GFRA1: variants seen among roughly 807,000 people sequenced by gnomAD.
GFRA1 encodes GDNF family receptor alpha-1.
Under a neutral mutation model 51.6 loss-of-function variants are expected in GFRA1, and 16 were observed. The ratio of observed to expected loss-of-function variants is 0.31; its 90% CI spans 0.21 to 0.47. GFRA1 has a LOEUF of 0.47. GFRA1 is among the 20% of genes least tolerant of loss of function. The pLI is 1.00. For missense variants in GFRA1, 530 were observed against 594.3 expected (o/e 0.89, Z 1.13); for synonymous variants, 270 against 241.3 (o/e 1.12, Z -1.10).
chr10:116,106,209 C>T (rs1956999584), intron 6 of GFRA1, among the ~76,000 whole-genome samples: 2 of 152,134 alleles, frequency 1.3e-5, no homozygotes, highest in Admixed American at 1.3e-4. Context: ...CCCAGTGAGA[C>T]CCGAGTCAGA....
At chr10:116,075,265 A>G (rs952771637) in intron 9 of GFRA1, among the ~76,000 whole-genome samples, 2 of 152,162 alleles carry the variant, frequency 1.3e-5, no homozygotes, top group African/African-American at 2.4e-5. Flanking sequence ...TGATCAAACA[A>G]TTGGTCTATT....
At chr10:116,248,943 C>G (rs1968090043) in intron 4 of GFRA1, among the ~76,000 whole-genome samples, 1 of 152,120 alleles carries the variant, frequency 6.6e-6, no homozygotes, top group African/African-American at 2.4e-5. Flanking sequence ...GCTGAGTCTG[C>G]AGGCCAGCTC....
chr10:116,264,217 C>A (rs948814191), intron 4 of GFRA1, among the ~76,000 whole-genome samples: 2 of 152,154 alleles, frequency 1.3e-5, no homozygotes, highest in African/African-American at 4.8e-5. Flanking sequence ...AAGGGACCAA[C>A]ACTGGCTCCC....
intron 4 of GFRA1, among the ~76,000 whole-genome samples, chr10:116,264,083 C>T (rs1397535230): frequency 6.6e-6 from 1 of 152,126 alleles, no homozygotes; most frequent in Non-Finnish European, 1.5e-5. Context: ...CAGGACTCAG[C>T]TGGAAATGCT....
In GFRA1 at chr10:116,115,115, T is replaced by A. The variant is rs2133981632; in HGVS notation, c.770+10106A>T. Among the ~76,000 whole-genome samples, 3 of 152,370 alleles carry A rather than the reference T, an allele frequency of 2.0e-5. No homozygotes were observed. The East Asian group carries it at 5.8e-4, about 29-fold the overall frequency. On this transcript the variant is annotated intron_variant, in intron 6 of 10. Coordinates refer to ENST00000355422, the MANE Select transcript of GFRA1 (RefSeq NM_005264.8). ...TGGTTCTTTTAAATTCTTGTTTTTC[T>A]TGGATGCAAAATTTCCTGCATAATT...
intron 4 of GFRA1, among the ~76,000 whole-genome samples, chr10:116,265,897 T>C (rs573137215): frequency 1.5e-3 from 225 of 152,240 alleles, no homozygotes; most frequent in Non-Finnish European, 2.8e-3. Context: ...AGCCCTTAAT[T>C]GTGCCCCAGG....
chr10:116,216,105 C>T (rs1016148432), intron 4 of GFRA1, among the ~76,000 whole-genome samples: 1 of 152,174 alleles, frequency 6.6e-6, no homozygotes. Context: ...ATCTTTAATG[C>T]ACTGAGTCCT....
At chr10:116,193,783 C>T (rs949128725) in intron 5 of GFRA1, among the ~76,000 whole-genome samples, 5 of 152,086 alleles carry the variant, frequency 3.3e-5, no homozygotes, top group Admixed American at 2.0e-4. Flanking sequence ...ATGGGCCGGG[C>T]GCGGTGGCTC....
intron 5 of GFRA1, among the ~76,000 whole-genome samples, chr10:116,164,362 C>T (rs10749190): frequency 0.44 from 66,982 of 151,192 alleles, 14,904 homozygotes; most frequent in African/African-American, 0.5. Context: ...CCCCCAAAAA[C>T]CTCATATTGT....
At chr10:116,174,817 C>T (rs1201463969) in intron 5 of GFRA1, among the ~76,000 whole-genome samples, 1 of 152,082 alleles carries the variant, frequency 6.6e-6, no homozygotes, top group Non-Finnish European at 1.5e-5. Flanking sequence ...TTTTAATAAG[C>T]TTTAAAACAT....
chr10:116,206,834 G>C (rs574454526), intron 5 of GFRA1, among the ~76,000 whole-genome samples: 1 of 151,648 alleles, frequency 6.6e-6, no homozygotes, highest in South Asian at 2.1e-4. Context: ...GGGTTTCACC[G>C]TGCTAGCCAG....
chr10:116,136,512 A>C (rs1958332666), intron 5 of GFRA1, among the ~76,000 whole-genome samples: 1 of 152,218 alleles, frequency 6.6e-6, no homozygotes, highest in South Asian at 2.1e-4. Context: ...GCACCAGTGT[A>C]TTGCCATGGA....
chr10:116,117,562 T>TGGATGGAG (rs1957471147), intron 6 of GFRA1, among the ~76,000 whole-genome samples: 1 of 136,932 alleles, frequency 7.3e-6, no homozygotes, highest in African/African-American at 3.0e-5. Flanking sequence ...GGTGTGTGGA[T>TGGATGGAG]GGATGGATGG....
chr10:116,214,166 C>T (rs1965403959), intron 4 of GFRA1, among the ~76,000 whole-genome samples: 1 of 152,224 alleles, frequency 6.6e-6, no homozygotes, highest in Non-Finnish European at 1.5e-5. Flanking sequence ...GACCAGCCGG[C>T]ACACCTGGAG....
intron 5 of GFRA1, among the ~76,000 whole-genome samples, chr10:116,166,949 G>A (rs922671167): frequency 1.8e-4 from 27 of 151,596 alleles, no homozygotes; most frequent in Non-Finnish European, 3.2e-4. Context: ...ACAGGCGCCC[G>A]CCTCCACACC....
intron 6 of GFRA1, among the ~76,000 whole-genome samples, chr10:116,111,845 C>A (rs1957225449): frequency 1.3e-5 from 2 of 152,194 alleles, no homozygotes; most frequent in Non-Finnish European, 2.9e-5. Flanking sequence ...GGCCCCAGAG[C>A]AAAGGCGCCT....
At chr10:116,106,572 C>G (rs944369148) in intron 6 of GFRA1, among the ~76,000 whole-genome samples, 2 of 148,820 alleles carry the variant, frequency 1.3e-5, no homozygotes, top group African/African-American at 5.0e-5. Context: ...GCACCACCCT[C>G]TTGGGTAGCG....
intron 5 of GFRA1, among the ~76,000 whole-genome samples, chr10:116,175,029 C>A (rs774617422): frequency 6.6e-6 from 1 of 152,134 alleles, no homozygotes; most frequent in African/African-American, 2.4e-5. Context: ...CTCCCTCTTT[C>A]GTAGGACTCA....
At chr10:116,218,360 T>C (rs985038209) in intron 4 of GFRA1, among the ~76,000 whole-genome samples, 1 of 152,182 alleles carries the variant, frequency 6.6e-6, no homozygotes, top group Non-Finnish European at 1.5e-5. Context: ...GACAGCTGAA[T>C]TGGCAGCACT....
Sources: allele counts gnomAD v4.1 joint callset (sites outside exome capture counted in the v4.1 genomes callset), GRCh38; gene constraint gnomAD v4.1.1; transcripts MANE v1.5; gene names NCBI Gene and HGNC (gene_info 2026-07-23, HGNC 2026-07-21).